Variants in PEAK1 observed in about 807,000 individuals in gnomAD.
PEAK1 encodes pseudopodium enriched atypical kinase 1, also known as inactive tyrosine-protein kinase PEAK1.
PEAK1 carries 54 observed loss-of-function variants against 124.7 expected under a neutral mutation model. That is an observed-to-expected ratio of 0.43 (90% CI 0.35 to 0.54). PEAK1 has a LOEUF of 0.54. Ranked by LOEUF, PEAK1 falls within the 20% of genes least tolerant of loss-of-function variation. The probability of loss-of-function intolerance (pLI) is 0.01; values close to 1 mark genes in which losing one functional copy is unlikely to be tolerated. For missense variants in PEAK1, 2,046 were observed against 2,134.5 expected (o/e 0.96, Z 0.82); for synonymous variants, 719 against 760.0 (o/e 0.95, Z 0.89).
intron 2 of PEAK1, chr15:77,337,395 ATAATG>A (rs994900488): frequency 2.1e-6 from 2 of 947,570 alleles, no homozygotes; most frequent in Admixed American, 6.2e-5. Context: ...GAAGATTATA[ATAATG>A]TAAAGTAACT....
intron 6 of PEAK1, among the ~76,000 whole-genome samples, chr15:77,237,346 T>C (rs2060166445): frequency 6.6e-6 from 1 of 152,144 alleles, no homozygotes; most frequent in Non-Finnish European, 1.5e-5. Flanking sequence ...CCACAGGTTT[T>C]CATATGTAGG....
chr15:77,258,044 G>A (rs1301401335), intron 5 of PEAK1, among the ~76,000 whole-genome samples: 2 of 152,140 alleles, frequency 1.3e-5, no homozygotes, highest in Non-Finnish European at 2.9e-5. Context: ...TTGTAGACAT[G>A]CGGTGTCATT....
At chr15:77,396,724 A>C (rs569375490) in intron 1 of PEAK1, among the ~76,000 whole-genome samples, 2 of 152,202 alleles carry the variant, frequency 1.3e-5, no homozygotes, top group Non-Finnish European at 2.9e-5. Context: ...AATTAGATAT[A>C]ACAATTGCAA....
At chr15:77,330,095 G>GT (rs910728729) in intron 2 of PEAK1, among the ~76,000 whole-genome samples, 16 of 151,174 alleles carry the variant, frequency 1.1e-4, no homozygotes, top group East Asian at 1.9e-4. Context: ...AGTCACTTTA[G>GT]TTTTTTTTTA....
intron 2 of PEAK1, chr15:77,348,720 C>G (rs975571493): frequency 3.1e-6 from 3 of 982,008 alleles, no homozygotes; most frequent in Non-Finnish European, 3.6e-6. Flanking sequence ...CCCAAGGCAC[C>G]AAAGTCAGCC....
intron 1 of PEAK1, among the ~76,000 whole-genome samples, chr15:77,408,996 G>A (rs907702186): frequency 2.0e-5 from 3 of 152,206 alleles, no homozygotes; most frequent in East Asian, 1.9e-4. Flanking sequence ...GTTTGAGCCC[G>A]GGAGGTCAAG....
rs189113191 is a variant in PEAK1 at position 77,277,064 on chromosome 15, G to A, written c.-275+6819C>T. On this transcript the variant is annotated intron_variant, in intron 5 of 9. Coordinates refer to ENST00000682557, the MANE Select transcript of PEAK1 (RefSeq NM_001385026.1). ...ACTTTAAAACACTGAATTCTAAAAGGTATTCAAGTAACCTGCAGGAAAGCC... is the reference window on the plus strand; with the variant it reads ...ACTTTAAAACACTGAATTCTAAAAGATATTCAAGTAACCTGCAGGAAAGCC... Among the ~76,000 whole-genome samples the A allele has an allele frequency of 3.0e-3, 451 of 152,148 alleles. 2 individuals are homozygous for A. Among genetic ancestry groups the A allele is most frequent in the African/African-American group, 7.3e-3 (303 of 41,528 alleles).
At chr15:77,265,437 T>C (rs1052711260) in intron 5 of PEAK1, among the ~76,000 whole-genome samples, 8 of 152,188 alleles carry the variant, frequency 5.3e-5, no homozygotes, top group African/African-American at 1.9e-4. Context: ...CATCAAAAAG[T>C]GGGCGAAGGA....
chr15:77,112,546 T>C lies in PEAK1; in HGVS notation c.*1610A>G, dbSNP rs966584836. 2.6e-5 allele frequency: 4 copies of C among 152,236 alleles called. No individual in the cohort carries two copies. The highest frequency in any genetic ancestry group is 9.6e-5 in the African/African-American group (4 of 41,458). The allele number at this position is 152,236 out of a possible 1,614,324, so 9.4% of individuals were successfully genotyped here. ...TCCAGCATGCGTGTGCACGCACACA[T>C]GGGCACACAAGTGTACACACACATT... On this transcript the variant is annotated 3_prime_UTR_variant, in exon 10 of 10. Coordinates refer to ENST00000682557, the MANE Select transcript of PEAK1 (RefSeq NM_001385026.1).
intron 6 of PEAK1, among the ~76,000 whole-genome samples, chr15:77,246,649 C>T (rs963090007): frequency 1.3e-5 from 2 of 152,126 alleles, no homozygotes; most frequent in East Asian, 3.9e-4. Context: ...AAAAAATTTA[C>T]ACCTATGTTT....
chr15:77,325,712 A>C (rs939886040), intron 2 of PEAK1, among the ~76,000 whole-genome samples: 1 of 152,142 alleles, frequency 6.6e-6, no homozygotes, highest in Non-Finnish European at 1.5e-5. Context: ...AATAATATAC[A>C]AACCAAATTT....
Position 77,138,173 on chromosome 15 carries a change from G to C in PEAK1, c.3332-4423C>G, listed in dbSNP as rs112685318. Reference sequence around the variant, plus strand: ...CCCAGTCTTGGATATGACTTTATCAGCAGCGTGAAAATGGACTAACACACT... The same window carrying C: ...CCCAGTCTTGGATATGACTTTATCACCAGCGTGAAAATGGACTAACACACT... On this transcript the variant is annotated intron_variant, in intron 8 of 9. Transcript: ENST00000682557. 2.0e-3 allele frequency among the ~76,000 whole-genome samples: 305 copies of C among 152,274 alleles called. 1 individual carries two copies. The highest frequency in any genetic ancestry group is 7.3e-3 in the African/African-American group (302 of 41,568).
At chr15:77,414,387 T>A (rs2072706055) in intron 1 of PEAK1, among the ~76,000 whole-genome samples, 1 of 141,146 alleles carries the variant, frequency 7.1e-6, no homozygotes, top group South Asian at 2.2e-4. Context: ...TTTTTTGTAT[T>A]TTTTTTTTTT....
rs956258746 is a variant in PEAK1, at chr15:77,347,176, A to G, written c.-603+17987T>C. The G allele has an allele frequency of 3.1e-6, 3 of 955,852 alleles. No homozygotes were observed. The African/African-American group carries it at 5.3e-5, about 17-fold the overall frequency. The allele number at this position is 955,852 out of a possible 1,614,324, so 59.2% of individuals were successfully genotyped here. A position where few individuals can be genotyped will look rare whatever the true frequency, so the allele number is the denominator to read the frequency against. On this transcript the variant is annotated intron_variant, in intron 2 of 9. Coordinates refer to ENST00000682557, the MANE Select transcript of PEAK1 (RefSeq NM_001385026.1). ...CCAGTGTAGCTGGAGTTTTGTGAAC[A>G]ACGTTAACAACGGCAGAAGATAAGA...
rs572424325 is a variant in PEAK1, at chr15:77,408,253, T to C, written c.-666+11753A>G. Among the ~76,000 whole-genome samples, 285 of 151,500 alleles carry C rather than the reference T, an allele frequency of 1.9e-3. 1 individual carries two copies. Among genetic ancestry groups the C allele is most frequent in the Non-Finnish European group, 3.3e-3 (224 of 67,920 alleles). The stretch of plus-strand genomic sequence containing the variant: ...GGCAGTGGCAGCAACCTGGATGGAA[T>C]TGGAGACCATTATTCTAAGTGAAGT... On this transcript the variant is annotated intron_variant, in intron 1 of 9. Transcript: ENST00000682557.
intron 2 of PEAK1, among the ~76,000 whole-genome samples, chr15:77,304,728 T>C (rs984545396): frequency 1.3e-5 from 2 of 152,274 alleles, no homozygotes; most frequent in African/African-American, 4.8e-5. Flanking sequence ...ATTACAGGCA[T>C]AAGCCACCAC....
At chr15:77,404,540 CT>C in intron 1 of PEAK1, 5 of 650,970 alleles carry the variant, frequency 7.7e-6, no homozygotes, top group African/African-American at 4.0e-5. Context: ...ATTTCACCTG[CT>C]TTTTTGTACT....
At chr15:77,393,318 C>A (rs1453521451) in intron 1 of PEAK1, among the ~76,000 whole-genome samples, 1 of 152,184 alleles carries the variant, frequency 6.6e-6, no homozygotes, top group Non-Finnish European at 1.5e-5. Flanking sequence ...GCTTGAACTC[C>A]ACTCCCCACA....
At chr15:77,123,564 T>G (rs2052108952) in intron 9 of PEAK1, among the ~76,000 whole-genome samples, 1 of 152,194 alleles carries the variant, frequency 6.6e-6, no homozygotes, top group Non-Finnish European at 1.5e-5. Flanking sequence ...AGTTTCCCAC[T>G]GTGTAGAATG....
Sources: allele counts gnomAD v4.1 joint callset (sites outside exome capture counted in the v4.1 genomes callset), GRCh38; gene constraint gnomAD v4.1.1; transcripts MANE v1.5; gene names NCBI Gene and HGNC (gene_info 2026-07-23, HGNC 2026-07-21).